VIPR2: variants seen among roughly 807,000 people sequenced by gnomAD.
VIPR2 encodes vasoactive intestinal polypeptide receptor 2.
Under a neutral mutation model 58.0 loss-of-function variants are expected in VIPR2, and 48 were observed. The observed-to-expected ratio is 0.83, with a 90% CI of 0.66 to 1.05. The LOEUF is 1.05. Ranked by LOEUF, VIPR2 falls within the 50% of genes least tolerant of loss-of-function variation. VIPR2 has a pLI of 0.00. For synonymous variants in VIPR2, 243 were observed against 235.2 expected (o/e 1.03, Z -0.30); for missense variants, 534 against 558.0 (o/e 0.96, Z 0.43).
At chr7:159,101,229 CTG>C (rs1858209371) in intron 4 of VIPR2, among the ~76,000 whole-genome samples, 1 of 146,878 alleles carries the variant, frequency 6.8e-6, no homozygotes, top group East Asian at 2.1e-4. Flanking sequence ...GTTCCCCCGA[CTG>C]TTCCTGTGAT....
intron 4 of VIPR2, among the ~76,000 whole-genome samples, chr7:159,061,086 G>A (rs1201518253): frequency 6.6e-6 from 1 of 152,152 alleles, no homozygotes; most frequent in Non-Finnish European, 1.5e-5. Context: ...GAAGCACCAT[G>A]GAGGCAGCTG....
chr7:159,050,673 G>A (rs1371924004), intron 5 of VIPR2, among the ~76,000 whole-genome samples: 4 of 152,062 alleles, frequency 2.6e-5, no homozygotes, highest in Admixed American at 2.6e-4. Flanking sequence ...TATAATACAT[G>A]GGAAATGTAG....
Position 159,030,665 on chromosome 7 carries a change from C to A in VIPR2, c.1268G>T (p.Arg423Leu). ...NGSEGALQFH[R>L]GSRAQSFLQT... Reference sequence around the variant, plus strand: ...CAGGAAGGACTGGGCGCGGGAGCCGCGGTGGAACTGCAGGGCGCCCTCCGA... The same window carrying A: ...CAGGAAGGACTGGGCGCGGGAGCCGAGGTGGAACTGCAGGGCGCCCTCCGA... Residue 423 changes from arginine to leucine, a missense_variant, in exon 13 of 13, where the codon CGC (arginine) becomes CTC (leucine). This residue lies in a region of VIPR2 where 306 missense variants were observed against 285.8 expected (regional missense o/e 1.07). Transcript: ENST00000262178. 6.4e-7 allele frequency: 1 copy of A among 1,562,982 alleles called. No individual in the cohort carries two copies. Among genetic ancestry groups the A allele is most frequent in the South Asian group, 1.2e-5 (1 of 85,060 alleles).
At position 159,096,803 on chromosome 7, in the gene VIPR2, C is replaced by G. The variant is rs1187121857; in HGVS notation, c.357+6954G>C. ...GAGGTCAGTCTCGTGGCCCCCGCAG[C>G]AGCCACAGGCCCAGCTCTTGTCCCG... On this transcript the variant is annotated intron_variant, in intron 4 of 12. Transcript: ENST00000262178. The surrounding 1 kb of genome is among the most constrained non-coding windows in gnomAD (Gnocchi z 5.5). 4 of 1,434,420 alleles carry G rather than the reference C, an allele frequency of 2.8e-6. No individual in the cohort carries two copies. The highest frequency in any genetic ancestry group is 3.7e-6 in the Non-Finnish European group (4 of 1,087,268). 88.9% of individuals were successfully genotyped at this position (1,434,420 alleles called of 1,614,324 possible).
At chr7:159,121,507 G>T (rs1378591692) in intron 2 of VIPR2, among the ~76,000 whole-genome samples, 1 of 152,132 alleles carries the variant, frequency 6.6e-6, no homozygotes, top group Non-Finnish European at 1.5e-5. Flanking sequence ...CACATGCTTA[G>T]GTACCCGTGC....
chr7:159,109,567 GCTC>G (rs1313818006), intron 3 of VIPR2, among the ~76,000 whole-genome samples: 1 of 152,146 alleles, frequency 6.6e-6, no homozygotes, highest in African/African-American at 2.4e-5. Context: ...TTCCCATTTG[GCTC>G]CTGTCTCCCC....
rs1371364156 is a variant in VIPR2, at chr7:159,076,800, G to A, written c.358-18222C>T. Among the ~76,000 whole-genome samples, 4 of 152,200 alleles carry A rather than the reference G, an allele frequency of 2.6e-5. 1 individual carries two copies. Among genetic ancestry groups the A allele is most frequent in the African/African-American group, 7.2e-5 (3 of 41,534 alleles). On this transcript the variant is annotated intron_variant, in intron 4 of 12. Coordinates refer to ENST00000262178, the MANE Select transcript of VIPR2 (RefSeq NM_003382.5). ...ATAATCTTTGGTGAGTAAGAATATC[G>A]TTGGTTTAGTTTTTTTAAAAAAAGA...
chr7:159,135,033 C>CTTTTTTT (rs1797156168), intron 2 of VIPR2, among the ~76,000 whole-genome samples: 1 of 46,804 alleles, frequency 2.1e-5, no homozygotes, highest in African/African-American at 9.9e-5. Context: ...TTTTTTTTAA[C>CTTTTTTT]ATTTTAAGTA....
intron 4 of VIPR2, among the ~76,000 whole-genome samples, chr7:159,081,940 G>C (rs566230453): frequency 6.6e-6 from 1 of 152,252 alleles, no homozygotes; most frequent in Non-Finnish European, 1.5e-5. Context: ...AATTAGAATG[G>C]CGATCATTAA....
intron 5 of VIPR2, among the ~76,000 whole-genome samples, chr7:159,047,089 G>T (rs1462783372): frequency 6.6e-6 from 1 of 152,132 alleles, no homozygotes; most frequent in Non-Finnish European, 1.5e-5. Flanking sequence ...ACAAAAATTA[G>T]CCGGGCTTGG....
rs750761273 is a variant in VIPR2, at chr7:159,103,735, G to A, written c.357+22C>T. On this transcript the variant is annotated intron_variant, in intron 4 of 12. Transcript: ENST00000262178. ...TGTTAGGAAGTGGAACCTCACCACC[G>A]TAGCACCACGCAGGAGCCTACCTTG... The A allele has an allele frequency of 4.4e-6, 7 of 1,598,510 alleles. No homozygotes were observed. The South Asian group carries it at 4.4e-5, about 10-fold the overall frequency.
intron 5 of VIPR2, among the ~76,000 whole-genome samples, chr7:159,049,737 G>C (rs550477616): frequency 1.3e-5 from 2 of 152,194 alleles, no homozygotes; most frequent in Admixed American, 6.5e-5. Context: ...CATGGGTGCC[G>C]GGTGGCAAGC....
rs1207702328 is a variant in VIPR2 at position 159,043,147 on chromosome 7, T to C, written c.485A>G (p.His162Arg). The change falls in exon 6 of 13, where the codon CAC becomes CGC. Residue 162 changes from histidine (H) to arginine (R), a missense_variant. Physicochemically the swap from His to Arg is conservative, Grantham distance 29. Around this residue, in one of 3 missense-constraint regions of VIPR2, gnomAD observed 224 missense variants for 255.7 expected, o/e 0.88. Transcript: ENST00000262178. ...GATGAAGGACAGGAACAGGTTCAGGTGGATGTAATTCCTGGTGCAGTGCAG... is the reference window on the plus strand; with the variant it reads ...GATGAAGGACAGGAACAGGTTCAGGCGGATGTAATTCCTGGTGCAGTGCAG... ...RKLHCTRNYI[H>R]LNLFLSFILR... 1.2e-6 allele frequency: 2 copies of C among 1,607,128 alleles called. No individual in the cohort carries two copies. Among genetic ancestry groups the C allele is most frequent in the Non-Finnish European group, 1.7e-6 (2 of 1,178,268 alleles).
At chr7:159,049,588 C>T (rs993971807) in intron 5 of VIPR2, among the ~76,000 whole-genome samples, 11 of 152,314 alleles carry the variant, frequency 7.2e-5, no homozygotes, top group African/African-American at 1.2e-4. Flanking sequence ...CGGGGAGCAA[C>T]GACTCTGCAG....
intron 5 of VIPR2, among the ~76,000 whole-genome samples, chr7:159,050,110 G>A (rs941128158): frequency 2.0e-5 from 3 of 152,130 alleles, no homozygotes; most frequent in African/African-American, 7.2e-5. Context: ...GCCAAGGTGG[G>A]TGGATCACTT....
Position 159,034,249 on chromosome 7 carries a change from G to A in VIPR2, c.935C>T (p.Ser312Phe), listed in dbSNP as rs1277496029. Residue 312 changes from serine (S) to phenylalanine (F), a missense_variant, in exon 10 of 13, where the codon TCC (serine) becomes TTC (phenylalanine). By Grantham distance (155) the Ser-to-Phe change is radical. This residue lies in a region of VIPR2 where 306 missense variants were observed against 285.8 expected (regional missense o/e 1.07). Coordinates refer to ENST00000262178, the MANE Select transcript of VIPR2 (RefSeq NM_003382.5). ...IIRILLQKLTSPDVGGNDQSQ... is the reference protein window; with the variant it reads ...IIRILLQKLTFPDVGGNDQSQ... ...CTGGTCGTTGCCGCCGACATCTGGG[G>A]ATGTTAACTTCTGCAGCAAAATTCG... 2 of 1,614,094 alleles carry A rather than the reference G, an allele frequency of 1.2e-6. No homozygotes were observed. Among genetic ancestry groups the A allele is most frequent in the East Asian group, 2.2e-5 (1 of 44,884 alleles).
At chr7:159,090,660 C>A (rs1374339114) in intron 4 of VIPR2, among the ~76,000 whole-genome samples, 24 of 95,668 alleles carry the variant, frequency 2.5e-4, no homozygotes, top group Admixed American at 4.9e-4. Flanking sequence ...ATCCCCAGTG[C>A]CCTCAGCAGA....
At chr7:159,107,433 C>T (rs1041125559) in intron 3 of VIPR2, among the ~76,000 whole-genome samples, 9 of 152,240 alleles carry the variant, frequency 5.9e-5, no homozygotes, top group Admixed American at 1.3e-4. Flanking sequence ...TGGCTCCCTG[C>T]TTCCTTTGTT....
At chr7:159,100,858 C>G (rs552075530) in intron 4 of VIPR2, among the ~76,000 whole-genome samples, 27 of 145,516 alleles carry the variant, frequency 1.9e-4, no homozygotes, top group African/African-American at 6.5e-4. Context: ...CCCGACTGTT[C>G]CTGTGATAGT....
Sources: allele counts gnomAD v4.1 joint callset (sites outside exome capture counted in the v4.1 genomes callset), GRCh38; gene constraint gnomAD v4.1.1; regional missense constraint gnomAD v4.1.1; non-coding constraint Gnocchi (gnomAD v3.1); transcripts MANE v1.5; gene names NCBI Gene and HGNC (gene_info 2026-07-23, HGNC 2026-07-21).